The following GPR139 variants were observed in gnomAD, a reference collection of about 807,000 sequenced individuals.
The protein encoded by GPR139 is G protein-coupled receptor 139.
A neutral mutation model predicts 25.8 loss-of-function variants in GPR139; 12 were observed. The ratio of observed to expected loss-of-function variants is 0.47; its 90% confidence interval spans 0.30 to 0.75. The LOEUF (loss-of-function observed/expected upper bound fraction) is 0.75. Among genes scored for constraint, GPR139 ranks in the 30% least tolerant of loss-of-function variants. The pLI is 0.07. For missense variants in GPR139, 380 were observed against 450.2 expected, an observed-to-expected ratio of 0.84 and a Z score of 1.41; for synonymous variants, 184 against 179.9, an observed-to-expected ratio of 1.02 and a Z score of -0.18.
chr16:20,037,689 G>A (rs1334492066), intron 1 of GPR139, among the ~76,000 whole-genome samples: 3 of 152,090 alleles, frequency 2.0e-5, no homozygotes, highest in Admixed American at 1.3e-4. Context: ...GAACAAGTAA[G>A]GGAGCCAGAG....
chr16:20,043,706 A>C (rs2057344450), intron 1 of GPR139, among the ~76,000 whole-genome samples: 1 of 152,192 alleles, frequency 6.6e-6, no homozygotes, highest in African/African-American at 2.4e-5. Flanking sequence ...AAGTACCTTG[A>C]AAGGACTTGA....
intron 1 of GPR139, among the ~76,000 whole-genome samples, chr16:20,045,299 C>T (rs562873464): frequency 6.6e-6 from 1 of 152,208 alleles, no homozygotes; most frequent in African/African-American, 2.4e-5. Flanking sequence ...TGCGCCTGGC[C>T]ACTTGCACTG....
intron 1 of GPR139, among the ~76,000 whole-genome samples, chr16:20,051,576 T>C (rs2057372497): frequency 6.6e-6 from 1 of 152,060 alleles, no homozygotes; most frequent in African/African-American, 2.4e-5. Flanking sequence ...TTTTCTGTGG[T>C]TGGAGAAATT....
rs1358572438 is a variant in GPR139, at chr16:20,073,855, G to A, written c.-239C>T. 2 of 468,962 alleles carry A rather than the reference G, an allele frequency of 4.3e-6. No homozygotes were observed. The highest frequency in any genetic ancestry group is 7.3e-6 in the Non-Finnish European group (2 of 275,112). 29.1% of individuals were successfully genotyped at this position (468,962 alleles called of 1,614,324 possible). A position where few individuals can be genotyped will look rare whatever the true frequency, so the allele number is the denominator to read the frequency against. The stretch of plus-strand genomic sequence containing the variant: ...GGGCGCAGGGTGCGGGGCGCGCTGC[G>A]CGGGGCCTCGGGAGGGGCTCCCGGA... On this transcript the variant is annotated 5_prime_UTR_variant, in exon 1 of 2. Coordinates refer to ENST00000570682, the MANE Select transcript of GPR139 (RefSeq NM_001002911.4). This position sits in a 1 kb window ranked among gnomAD's most constrained non-coding sequence, Gnocchi z 4.7.
At chr16:20,036,220 T>C (rs2057309574) in intron 1 of GPR139, among the ~76,000 whole-genome samples, 1 of 152,186 alleles carries the variant, frequency 6.6e-6, no homozygotes, top group Admixed American at 6.5e-5. Context: ...AGTCAGAGCT[T>C]CATGGAACCC....
intron 1 of GPR139, among the ~76,000 whole-genome samples, chr16:20,042,231 T>C (rs1383633505): frequency 2.0e-5 from 3 of 152,204 alleles, no homozygotes; most frequent in East Asian, 3.8e-4. Flanking sequence ...TCCTGGTACA[T>C]AGTAAGCACT....
chr16:20,041,398 G>C (rs1355189865), intron 1 of GPR139, among the ~76,000 whole-genome samples: 1 of 151,470 alleles, frequency 6.6e-6, no homozygotes, highest in Non-Finnish European at 1.5e-5. Context: ...TCCAAGGATG[G>C]ATTTTTAGGA....
At chr16:20,046,332 A>C (rs1257376058) in intron 1 of GPR139, among the ~76,000 whole-genome samples, 3 of 152,236 alleles carry the variant, frequency 2.0e-5, no homozygotes, top group Non-Finnish European at 4.4e-5. Context: ...AGACAAACAC[A>C]CAAGTGGTTT....
At chr16:20,050,077 G>A (rs2057366896) in intron 1 of GPR139, among the ~76,000 whole-genome samples, 1 of 152,200 alleles carries the variant, frequency 6.6e-6, no homozygotes, top group Non-Finnish European at 1.5e-5. Context: ...GGAGGCTCTA[G>A]CCTGGCAGAG....
Position 20,031,925 on chromosome 16 carries a change from C to T in GPR139, c.872G>A (p.Arg291Gln), listed in dbSNP as rs144836581. Reference protein sequence around the residue: ...NFFLYCFISKRFRTMAAATLK... With the variant: ...NFFLYCFISKQFRTMAAATLK... ...CGTGGCGGCTGCCATGGTGCGGAAC[C>T]GCTTGCTGATGAAGCAGTAGAGGAA... Residue 291 changes from arginine to glutamine, a missense_variant, in exon 2 of 2, where the codon CGG becomes CAG. Physicochemically the swap from Arg to Gln is conservative, Grantham distance 43. Coordinates refer to ENST00000570682, the MANE Select transcript of GPR139 (RefSeq NM_001002911.4). 2.0e-5 allele frequency: 32 copies of T among 1,614,040 alleles called. No individual in the cohort carries two copies. Among genetic ancestry groups the T allele is most frequent in the African/African-American group, 4.0e-5 (3 of 74,908 alleles).
At chr16:20,070,827 G>T in intron 1 of GPR139, 1 of 340,246 alleles carries the variant, frequency 2.9e-6, no homozygotes, top group Non-Finnish European at 4.2e-6. Context: ...AGTCAGTGGT[G>T]GAGTAATGAG....
In GPR139 at chr16:20,048,286, C is replaced by T. The variant is rs201638483; in HGVS notation, c.128-15617G>A. On this transcript the variant is annotated intron_variant, in intron 1 of 1. Transcript: ENST00000570682. Reference sequence around the variant, plus strand: ...AGATCTTTTTGGGACCATTAGCTGCCTGAGAAGAGGGTTTGTGCCAGAATC... The same window carrying T: ...AGATCTTTTTGGGACCATTAGCTGCTTGAGAAGAGGGTTTGTGCCAGAATC... Among the ~76,000 whole-genome samples the T allele has an allele frequency of 2.6e-5, 4 of 152,042 alleles. No homozygotes were observed. In the East Asian group the frequency reaches 5.8e-4, roughly 22 times the overall value.
At chr16:20,038,269 G>C (rs1047000810) in intron 1 of GPR139, among the ~76,000 whole-genome samples, 1 of 151,464 alleles carries the variant, frequency 6.6e-6, no homozygotes, top group Admixed American at 6.6e-5. Flanking sequence ...CCCAGAAAAA[G>C]TGCTATATAT....
At chr16:20,067,211 C>T (rs886988737) in intron 1 of GPR139, among the ~76,000 whole-genome samples, 1 of 152,158 alleles carries the variant, frequency 6.6e-6, no homozygotes, top group Non-Finnish European at 1.5e-5. Context: ...GATCCCAGCC[C>T]AAAGCCAGCC....
chr16:20,071,096 C>T lies in GPR139; in HGVS notation c.127+2394G>A, dbSNP rs1236545019. Reference sequence around the variant, plus strand: ...GCGAGCATTTCGCTAGTGCCATCATCTGCAGCAACATCCTTACTTCTCAAC... The same window carrying T: ...GCGAGCATTTCGCTAGTGCCATCATTTGCAGCAACATCCTTACTTCTCAAC... On this transcript the variant is annotated intron_variant, in intron 1 of 1. Transcript: ENST00000570682. 6 of 572,970 alleles carry T rather than the reference C, an allele frequency of 1.0e-5. No individual in the cohort carries two copies. The Admixed American group carries it at 1.9e-4, about 18-fold the overall frequency. The allele number at this position is 572,970 out of a possible 1,614,324, so 35.5% of individuals were successfully genotyped here.
intron 1 of GPR139, among the ~76,000 whole-genome samples, chr16:20,040,347 G>A (rs1368620878): frequency 6.6e-6 from 1 of 152,098 alleles, no homozygotes; most frequent in Non-Finnish European, 1.5e-5. Context: ...TGGCCACTTG[G>A]TGTTTATATC....
At position 20,030,695 on chromosome 16, in the gene GPR139, T is replaced by C. The variant is rs1306340411; in HGVS notation, c.*1040A>G. Among the ~76,000 whole-genome samples, 1 of 152,234 alleles carries C rather than the reference T, an allele frequency of 6.6e-6. No homozygotes were observed. Among genetic ancestry groups the C allele is most frequent in the African/African-American group, 2.4e-5 (1 of 41,464 alleles). ...GGCGAAATGGCAGCGCCAGCTGGGC[T>C]GTGAGACAGAGCTGAGAACACCTCC... On this transcript the variant is annotated 3_prime_UTR_variant, in exon 2 of 2. Transcript: ENST00000570682.
intron 1 of GPR139, among the ~76,000 whole-genome samples, chr16:20,041,538 C>G (rs1212451817): frequency 6.6e-6 from 1 of 151,846 alleles, no homozygotes; most frequent in Non-Finnish European, 1.5e-5. Context: ...TGTTACCTGC[C>G]CCACTCTGGA....
In GPR139 at chr16:20,030,890, G is replaced by A. The variant is rs1313979648; in HGVS notation, c.*845C>T. Among the ~76,000 whole-genome samples, 2 of 152,194 alleles carry A rather than the reference G, an allele frequency of 1.3e-5. No individual in the cohort carries two copies. Among genetic ancestry groups the A allele is most frequent in the African/African-American group, 2.4e-5 (1 of 41,448 alleles). On this transcript the variant is annotated 3_prime_UTR_variant, in exon 2 of 2. Coordinates refer to ENST00000570682, the MANE Select transcript of GPR139 (RefSeq NM_001002911.4). ...AGCTGGAGTGATACCATAACAAGAA[G>A]CAATTTTGAGTAACGGGATCGTATG...
Sources: allele counts gnomAD v4.1 joint callset (sites outside exome capture counted in the v4.1 genomes callset), GRCh38; gene constraint gnomAD v4.1.1; non-coding constraint Gnocchi (gnomAD v3.1); transcripts MANE v1.5; gene names NCBI Gene and HGNC (gene_info 2026-07-23, HGNC 2026-07-21).